The following TMEM87A variants were observed in gnomAD, a reference collection of about 807,000 sequenced individuals.
TMEM87A encodes Golgi-pH regulating cation channel.
A neutral mutation model predicts 90.0 loss-of-function variants in TMEM87A; 50 were observed. The ratio of observed to expected loss-of-function variants is 0.56; its 90% confidence interval spans 0.44 to 0.70. The LOEUF is 0.70. Among genes scored for constraint, TMEM87A ranks in the 30% least tolerant of loss-of-function variants. TMEM87A has a pLI of 0.00. For missense variants in TMEM87A, 577 were observed against 660.5 expected, an observed-to-expected ratio of 0.87 and a Z score of 1.39; for synonymous variants, 226 against 226.7, an observed-to-expected ratio of 1.00 and a Z score of 0.03.
chr15:42,233,368 A>G, intron 10 of TMEM87A, 62 bp from the exon 11 acceptor site: 1 of 1,266,454 alleles, frequency 7.9e-7, no homozygotes. Flanking sequence ...CAAGCTAAGT[A>G]ACAGGAACTT....
upstream of TMEM87A, chr15:42,273,548 G>A: frequency 2.9e-6 from 4 of 1,358,850 alleles, no homozygotes; most frequent in Non-Finnish European, 3.9e-6. Flanking sequence ...CCCTCTCTCA[G>A]ACAGTCGTCT....
rs2140945659 is a variant in TMEM87A at position 42,239,739 on chromosome 15, A to G, written c.623-8T>C. 6.2e-7 allele frequency: 1 copy of G among 1,612,052 alleles called. No individual in the cohort carries two copies. The highest frequency in any genetic ancestry group is 1.1e-5 in the South Asian group (1 of 91,034). On this transcript the variant is annotated splice_region_variant and splice_polypyrimidine_tract_variant and intron_variant, in intron 7 of 19. Coordinates refer to ENST00000389834, the MANE Select transcript of TMEM87A (RefSeq NM_015497.5). ...CCTTCACTTCAACAGTCACTGCCAAAACAGAGTCCTCAGAATTAATTTACA... is the reference window on the plus strand; with the variant it reads ...CCTTCACTTCAACAGTCACTGCCAAGACAGAGTCCTCAGAATTAATTTACA...
chr15:42,244,307 C>A, intron 6 of TMEM87A, 140 bp from the exon 7 acceptor site: 1 of 570,440 alleles, frequency 1.8e-6, no homozygotes, highest in South Asian at 2.6e-5. Context: ...AAACATTAGG[C>A]ACAACAAACC....
At chr15:42,255,546 A>G (rs1201540536) in intron 6 of TMEM87A, among the ~76,000 whole-genome samples, 1 of 151,988 alleles carries the variant, frequency 6.6e-6, no homozygotes, top group East Asian at 1.9e-4. Flanking sequence ...TACAGGCATA[A>G]GCCACTGCAC....
chr15:42,228,591 A>G, intron 13 of TMEM87A, 121 bp downstream of exon 13: 1 of 768,366 alleles, frequency 1.3e-6, no homozygotes. Flanking sequence ...GACAAGAGCT[A>G]AGAACCCTTT....
Position 42,212,316 on chromosome 15 carries a change from G to A in TMEM87A, c.1627-567C>T, listed in dbSNP as rs549134501. On this transcript the variant is annotated intron_variant, in intron 19 of 19. Coordinates refer to ENST00000389834, the MANE Select transcript of TMEM87A (RefSeq NM_015497.5). ...TTCTTAGGCAATTTTATACCTTAGAGTTAATTTTCATTTTTCTTTTGCTTC... is the reference window on the plus strand; with the variant it reads ...TTCTTAGGCAATTTTATACCTTAGAATTAATTTTCATTTTTCTTTTGCTTC... 2.6e-5 allele frequency among the ~76,000 whole-genome samples: 4 copies of A among 151,854 alleles called. No homozygotes were observed. In the East Asian group the frequency reaches 5.8e-4, roughly 22 times the overall value.
intron 18 of TMEM87A, 74 bp from the exon 19 acceptor site, chr15:42,217,907 TAATGCAATTA>T: frequency 7.0e-7 from 1 of 1,433,588 alleles, no homozygotes; most frequent in Non-Finnish European, 9.6e-7. Flanking sequence ...GACAATGGAA[TAATGCAATTA>T]AAAGCTTTAT....
At chr15:42,236,239 T>G in intron 10 of TMEM87A, 81 bp downstream of exon 10, 1 of 1,138,062 alleles carries the variant, frequency 8.8e-7, no homozygotes, top group Non-Finnish European at 1.3e-6. Context: ...ATTTCAGAAC[T>G]ACTACATTGG....
At chr15:42,271,106 A>G (rs1412797433) in intron 2 of TMEM87A, among the ~76,000 whole-genome samples, 1 of 152,176 alleles carries the variant, frequency 6.6e-6, no homozygotes, top group Non-Finnish European at 1.5e-5. Context: ...CTCTAAATTA[A>G]AGCCGGTTTC....
intron 3 of TMEM87A, among the ~76,000 whole-genome samples, chr15:42,266,456 T>C (rs2412680): frequency 0.94 from 142,569 of 151,494 alleles, 67,626 homozygotes; most frequent in Non-Finnish European, 1. Context: ...GCAGAGGTTG[T>C]GGTGAGCTGA....
rs138776193 is a variant in TMEM87A at position 42,227,480 on chromosome 15, C to A, written c.1299+231G>T. ...CACTGTAGTTATAACTTACAAAATT[C>A]TCTCCCAAAACTGGGAGAATACAGT... On this transcript the variant is annotated intron_variant, in intron 14 of 19. Transcript: ENST00000389834. The A allele has an allele frequency of 1.8e-3, 748 of 424,756 alleles. 8 individuals carry two copies. Among genetic ancestry groups the A allele is most frequent in the Admixed American group, 1.1e-3 (27 of 25,424 alleles). 26.3% of individuals were successfully genotyped at this position (424,756 alleles called of 1,614,324 possible). A position where few individuals can be genotyped will look rare whatever the true frequency, so the allele number is the denominator to read the frequency against.
chr15:42,267,799 T>C (rs941160511), intron 3 of TMEM87A, 148 bp downstream of exon 3: 5 of 512,256 alleles, frequency 9.8e-6, no homozygotes, highest in Non-Finnish European at 1.6e-5. Flanking sequence ...AGTTTGAGAA[T>C]TGGTGGTCTG....
intron 6 of TMEM87A, among the ~76,000 whole-genome samples, chr15:42,246,862 T>C (rs1462229669): frequency 1.3e-5 from 2 of 152,216 alleles, no homozygotes; most frequent in Non-Finnish European, 2.9e-5. Context: ...CCTTGAGGAA[T>C]TGCCATACTG....
chr15:42,236,950 T>TA (rs1179682286), intron 9 of TMEM87A, among the ~76,000 whole-genome samples: 2 of 152,208 alleles, frequency 1.3e-5, no homozygotes, highest in Non-Finnish European at 2.9e-5. Flanking sequence ...AACTACAGTA[T>TA]AAAACAACTT....
intron 19 of TMEM87A, 85 bp from the exon 20 acceptor site, chr15:42,211,834 C>T: frequency 8.3e-7 from 1 of 1,202,592 alleles, no homozygotes; most frequent in Non-Finnish European, 1.2e-6. Flanking sequence ...TCCAAGCAAA[C>T]ATCTTCCACG....
At chr15:42,226,730 T>C (rs1221783386) in intron 15 of TMEM87A, 76 bp downstream of exon 15, 4 of 1,253,120 alleles carry the variant, frequency 3.2e-6, no homozygotes, top group East Asian at 2.3e-5. Context: ...GCCCTGATAC[T>C]GTCCCCCAAT....
intron 7 of TMEM87A, among the ~76,000 whole-genome samples, chr15:42,242,433 C>A (rs2050888827): frequency 6.6e-6 from 1 of 151,962 alleles, no homozygotes; most frequent in African/African-American, 2.4e-5. Flanking sequence ...TGAAAATGAA[C>A]ACTGGTAACT....
At chr15:42,243,931 T>G (rs1190246157) in intron 7 of TMEM87A, 119 bp downstream of exon 7, 1 of 536,466 alleles carries the variant, frequency 1.9e-6, no homozygotes, top group Middle Eastern at 5.1e-4. Context: ...ACAGCAGGAG[T>G]GTCAAATGAA....
At chr15:42,235,962 A>C (rs554407616) in intron 10 of TMEM87A, among the ~76,000 whole-genome samples, 1 of 152,266 alleles carries the variant, frequency 6.6e-6, no homozygotes, top group East Asian at 1.9e-4. Context: ...ATAGAAAAAT[A>C]TTTTCAGACA....
Sources: gnomAD v4.1 joint callset for allele counts (sites outside exome capture counted in the v4.1 genomes callset) on GRCh38, gnomAD v4.1.1 for gene constraint, MANE v1.5 for transcripts, NCBI Gene and HGNC (gene_info 2026-07-23, HGNC 2026-07-21) for gene names.